RTN4RL1: variants seen among roughly 807,000 people sequenced by gnomAD.
RTN4RL1 encodes the protein reticulon 4 receptor like 1.
A neutral mutation model predicts 25.6 loss-of-function variants in RTN4RL1; 7 were observed. The observed-to-expected ratio is 0.27, with a 90% CI of 0.16 to 0.51. The LOEUF is 0.51. Ranked by LOEUF, RTN4RL1 falls within the 20% of genes least tolerant of loss-of-function variation. RTN4RL1 has a pLI of 0.97. For missense variants in RTN4RL1, 500 were observed against 615.6 expected (o/e 0.81, Z 1.99); for synonymous variants, 297 against 288.2 (o/e 1.03, Z -0.31).
At chr17:1,960,996 T>A (rs1242845276) in intron 1 of RTN4RL1, among the ~76,000 whole-genome samples, 1 of 152,182 alleles carries the variant, frequency 6.6e-6, no homozygotes, top group Non-Finnish European at 1.5e-5. Context: ...TATTTCCCTT[T>A]CAGCACCTAA....
At chr17:2,014,153 T>C (rs1567528581) in intron 1 of RTN4RL1, among the ~76,000 whole-genome samples, 1 of 152,208 alleles carries the variant, frequency 6.6e-6, no homozygotes, top group Non-Finnish European at 1.5e-5. Context: ...GACTCACCCT[T>C]GGCCAACCCA....
At chr17:1,996,214 T>C (rs1445754927) in intron 1 of RTN4RL1, among the ~76,000 whole-genome samples, 1 of 152,218 alleles carries the variant, frequency 6.6e-6, no homozygotes, top group East Asian at 1.9e-4. Flanking sequence ...ATCTGTCTCA[T>C]TGAACCCATC....
chr17:1,981,974 G>A (rs1043173874), intron 1 of RTN4RL1, among the ~76,000 whole-genome samples: 2 of 152,210 alleles, frequency 1.3e-5, no homozygotes, highest in African/African-American at 2.4e-5. Context: ...TGCTGAACAC[G>A]GCAGGCAACT....
intron 1 of RTN4RL1, among the ~76,000 whole-genome samples, chr17:1,984,732 C>G (rs1250132736): frequency 6.6e-6 from 1 of 152,138 alleles, no homozygotes; most frequent in Non-Finnish European, 1.5e-5. Context: ...TTCGGGAGAC[C>G]GAGGCCAGTG....
At chr17:1,969,548 C>T (rs571021360) in intron 1 of RTN4RL1, among the ~76,000 whole-genome samples, 79 of 152,284 alleles carry the variant, frequency 5.2e-4, no homozygotes, top group African/African-American at 1.8e-3. Context: ...CTTAGCCAGC[C>T]GCCAGCTTCC....
intron 1 of RTN4RL1, among the ~76,000 whole-genome samples, chr17:1,939,735 C>G (rs879570668): frequency 6.6e-6 from 1 of 152,218 alleles, no homozygotes; most frequent in Non-Finnish European, 1.5e-5. Flanking sequence ...ACCCTCATTA[C>G]GGACGATCGT....
At chr17:1,976,553 G>A (rs1419981257) in intron 1 of RTN4RL1, among the ~76,000 whole-genome samples, 1 of 152,266 alleles carries the variant, frequency 6.6e-6, no homozygotes, top group Non-Finnish European at 1.5e-5. Context: ...CTTTGGGCAG[G>A]TGGATTGGCC....
intron 1 of RTN4RL1, among the ~76,000 whole-genome samples, chr17:2,021,551 C>CTTTTTTTT (rs767770637): frequency 1.9e-5 from 2 of 106,188 alleles, no homozygotes; most frequent in African/African-American, 3.6e-5. Flanking sequence ...CATCCTATAC[C>CTTTTTTTT]TTTTTTTTTT....
intron 1 of RTN4RL1, among the ~76,000 whole-genome samples, chr17:1,988,559 G>T (rs1338210322): frequency 2.0e-5 from 3 of 149,828 alleles, no homozygotes; most frequent in Non-Finnish European, 3.0e-5. Context: ...AGTCCTCAAT[G>T]ATGGAACATC....
chr17:1,936,316 G>A lies in RTN4RL1; in HGVS notation c.*180C>T. 1 of 1,417,732 alleles carries A rather than the reference G, an allele frequency of 7.1e-7. No individual in the cohort carries two copies. Among genetic ancestry groups the A allele is most frequent in the South Asian group, 1.5e-5 (1 of 64,862 alleles). The allele number at this position is 1,417,732 out of a possible 1,614,324, so 87.8% of individuals were successfully genotyped here. ...GAGAAGCGCCACCCCCTCCCGCCTA[G>A]GGCTGTACACTTTGGGTTTATAATC... On this transcript the variant is annotated 3_prime_UTR_variant, in exon 2 of 2. Transcript: ENST00000331238.
chr17:1,994,864 G>A lies in RTN4RL1; in HGVS notation c.13+29989C>T, dbSNP rs113397650. ...TATAATCCCAGTACTTTGGGAAGCC[G>A]AGGTGGGAGGACTGCTTGAAGCCAG... On this transcript the variant is annotated intron_variant, in intron 1 of 1. Coordinates refer to ENST00000331238, the MANE Select transcript of RTN4RL1 (RefSeq NM_178568.4). The surrounding 1 kb of genome is among the most constrained non-coding windows in gnomAD (Gnocchi z 4.3). Among the ~76,000 whole-genome samples the A allele has an allele frequency of 2.0e-5, 3 of 152,042 alleles. No homozygotes were observed. Among genetic ancestry groups the A allele is most frequent in the Admixed American group, 6.6e-5 (1 of 15,266 alleles).
intron 1 of RTN4RL1, among the ~76,000 whole-genome samples, chr17:2,002,740 A>G (rs906248202): frequency 2.0e-5 from 3 of 151,962 alleles, no homozygotes; most frequent in African/African-American, 7.3e-5. Context: ...GCTTGTTAGT[A>G]AAAACACTCT....
At chr17:2,024,771 C>G in intron 1 of RTN4RL1, 82 bp downstream of exon 1, 1 of 1,426,480 alleles carries the variant, frequency 7.0e-7, no homozygotes, top group Non-Finnish European at 9.5e-7. Flanking sequence ...AGACCGGGAG[C>G]CCCGGCGCCG....
At chr17:1,939,799 G>A (rs886558239) in intron 1 of RTN4RL1, among the ~76,000 whole-genome samples, 2 of 152,166 alleles carry the variant, frequency 1.3e-5, no homozygotes, top group Non-Finnish European at 2.9e-5. Context: ...AGGCAGGCGC[G>A]CCGAGGTTGG....
intron 1 of RTN4RL1, chr17:2,018,876 G>A (rs1309741215): frequency 6.6e-6 from 1 of 152,378 alleles, no homozygotes; most frequent in Non-Finnish European, 1.5e-5. Flanking sequence ...GCAGCATGTG[G>A]ACAGTGACGG....
At chr17:1,974,460 C>G (rs34176755) in intron 1 of RTN4RL1, among the ~76,000 whole-genome samples, 20,085 of 152,140 alleles carry the variant, frequency 0.13, 1,448 homozygotes, top group East Asian at 0.18. Flanking sequence ...ATGACTTGTC[C>G]AGGACCACTG....
intron 1 of RTN4RL1, among the ~76,000 whole-genome samples, chr17:1,993,674 T>C (rs2066918812): frequency 6.6e-6 from 1 of 152,062 alleles, no homozygotes; most frequent in South Asian, 2.1e-4. Context: ...TGGTCATCTT[T>C]GAACCCAAGT....
At chr17:1,970,112 C>G (rs1344207346) in intron 1 of RTN4RL1, among the ~76,000 whole-genome samples, 1 of 151,776 alleles carries the variant, frequency 6.6e-6, no homozygotes, top group African/African-American at 2.4e-5. Flanking sequence ...ACCTCCGCCT[C>G]CCAGGTTCAA....
intron 1 of RTN4RL1, among the ~76,000 whole-genome samples, chr17:2,004,810 T>C (rs1457113814): frequency 6.6e-6 from 1 of 152,132 alleles, no homozygotes; most frequent in African/African-American, 2.4e-5. Flanking sequence ...GTGTCTGTCC[T>C]GATCACTCAC....
Sources: allele counts gnomAD v4.1 joint callset (sites outside exome capture counted in the v4.1 genomes callset), GRCh38; gene constraint gnomAD v4.1.1; non-coding constraint Gnocchi (gnomAD v3.1); transcripts MANE v1.5; gene names NCBI Gene and HGNC (gene_info 2026-07-23, HGNC 2026-07-21).